The following TRAPPC9 variants were observed in gnomAD, a reference collection of about 807,000 sequenced individuals.
The protein encoded by TRAPPC9 is trafficking protein particle complex subunit 9, also known as IKK2 binding protein.
Under a neutral mutation model 124.0 loss-of-function variants are expected in TRAPPC9, and 83 were observed. The observed-to-expected ratio is 0.67, with a 90% CI of 0.56 to 0.80. The LOEUF is 0.80. Among genes scored for constraint, TRAPPC9 ranks in the 30% least tolerant of loss-of-function variants. TRAPPC9 has a pLI of 0.00. For synonymous variants in TRAPPC9, 638 were observed against 617.5 expected (o/e 1.03, Z -0.49); for missense variants, 1,302 against 1,508.3 (o/e 0.86, Z 2.27).
At chr8:140,223,641 A>AT (rs2063385156) in intron 16 of TRAPPC9, among the ~76,000 whole-genome samples, 1 of 152,232 alleles carries the variant, frequency 6.6e-6, no homozygotes, top group African/African-American at 2.4e-5. Context: ...CACAAAATGT[A>AT]TATTTCCAAA....
rs534162097 is a variant in TRAPPC9, at chr8:139,766,226, C to T, written c.3056-34024G>A. ...TGCCAGCCCTGACGGGATGCGTGTC[C>T]TTGGGCGTGTCTGCCACCTGCTCAG... On this transcript the variant is annotated intron_variant, in intron 21 of 22. Transcript: ENST00000438773. Among the ~76,000 whole-genome samples the T allele has an allele frequency of 1.3e-3, 201 of 152,336 alleles. 1 individual carries two copies. Among genetic ancestry groups the T allele is most frequent in the African/African-American group, 4.6e-3 (193 of 41,586 alleles).
intron 21 of TRAPPC9, among the ~76,000 whole-genome samples, chr8:139,800,890 C>A (rs1586871432): frequency 6.6e-6 from 1 of 150,954 alleles, no homozygotes; most frequent in Admixed American, 6.6e-5. Context: ...GGTATCTTCC[C>A]GCCCTCCGGT....
chr8:140,269,751 G>A (rs2064818993), intron 15 of TRAPPC9, among the ~76,000 whole-genome samples: 1 of 152,034 alleles, frequency 6.6e-6, no homozygotes, highest in South Asian at 2.1e-4. Flanking sequence ...AAAGTTTGAG[G>A]ATGGAATGAT....
intron 17 of TRAPPC9, among the ~76,000 whole-genome samples, chr8:140,061,578 C>G (rs1387086345): frequency 1.3e-5 from 2 of 152,174 alleles, no homozygotes; most frequent in African/African-American, 4.8e-5. Flanking sequence ...CCCTGTCCAG[C>G]CCCAGCAGTC....
At chr8:139,792,199 G>GA (rs1822739493) in intron 21 of TRAPPC9, among the ~76,000 whole-genome samples, 1 of 152,192 alleles carries the variant, frequency 6.6e-6, no homozygotes. Flanking sequence ...CACTCAGACA[G>GA]CAGGTTTAGT....
chr8:140,269,854 T>G (rs565056100), intron 15 of TRAPPC9, among the ~76,000 whole-genome samples: 5 of 152,230 alleles, frequency 3.3e-5, no homozygotes, highest in African/African-American at 9.6e-5. Context: ...ATCCCAGCAC[T>G]TTGGAAGGCC....
At chr8:139,758,075 G>A (rs1819974782) in intron 21 of TRAPPC9, among the ~76,000 whole-genome samples, 1 of 152,232 alleles carries the variant, frequency 6.6e-6, no homozygotes, top group Non-Finnish European at 1.5e-5. Flanking sequence ...ATTAGAAGAT[G>A]AATTAAAAAC....
intron 20 of TRAPPC9, among the ~76,000 whole-genome samples, chr8:139,890,101 C>T (rs1036371406): frequency 6.6e-6 from 1 of 152,248 alleles, no homozygotes; most frequent in Non-Finnish European, 1.5e-5. Context: ...AAGGAAGCAG[C>T]GCCCTGCAGC....
At chr8:139,914,628 T>C (rs1831989812) in intron 19 of TRAPPC9, among the ~76,000 whole-genome samples, 1 of 152,144 alleles carries the variant, frequency 6.6e-6, no homozygotes, top group Non-Finnish European at 1.5e-5. Context: ...CTGGGAGGGT[T>C]TGCATGTTCT....
intron 19 of TRAPPC9, among the ~76,000 whole-genome samples, chr8:139,987,088 T>C (rs960945444): frequency 2.6e-5 from 4 of 152,230 alleles, no homozygotes; most frequent in African/African-American, 9.7e-5. Flanking sequence ...CTGTTCTGTG[T>C]ATGAGTAATT....
At chr8:140,343,573 G>A (rs2067255555) in intron 9 of TRAPPC9, among the ~76,000 whole-genome samples, 1 of 152,176 alleles carries the variant, frequency 6.6e-6, no homozygotes, top group African/African-American at 2.4e-5. Context: ...CCAGTCAAAC[G>A]ATAAGTGAGG....
intron 19 of TRAPPC9, among the ~76,000 whole-genome samples, chr8:139,949,715 G>A (rs1010405979): frequency 6.6e-6 from 1 of 151,900 alleles, no homozygotes; most frequent in Non-Finnish European, 1.5e-5. Flanking sequence ...ACCAAAAGTA[G>A]ATCAATGGTT....
intron 15 of TRAPPC9, among the ~76,000 whole-genome samples, chr8:140,268,945 T>A (rs59292037): frequency 0.25 from 37,467 of 152,008 alleles, 5,042 homozygotes; most frequent in African/African-American, 0.35. Flanking sequence ...GGAAGTGCTC[T>A]CTAGGCCGAC....
chr8:140,394,887 C>T (rs1409851341), intron 7 of TRAPPC9, among the ~76,000 whole-genome samples: 2 of 152,144 alleles, frequency 1.3e-5, no homozygotes, highest in Admixed American at 6.5e-5. Flanking sequence ...CATCAGGCTC[C>T]GGGGCAGGGA....
At chr8:140,230,191 C>T (rs546348987) in intron 16 of TRAPPC9, among the ~76,000 whole-genome samples, 62 of 152,348 alleles carry the variant, frequency 4.1e-4, no homozygotes, top group African/African-American at 1.4e-3. Flanking sequence ...GAATGATCTC[C>T]TTTGCTGGAC....
At position 140,371,053 on chromosome 8, in the gene TRAPPC9, G is replaced by T. The variant is rs377644857; in HGVS notation, c.1262C>A (p.Ala421Glu). 6.2e-7 allele frequency: 1 copy of T among 1,614,246 alleles called. No individual in the cohort carries two copies. The highest frequency in any genetic ancestry group is 8.5e-7 in the Non-Finnish European group (1 of 1,180,036). ...AAMQCVAPSI[A>E]EPGWRACYKL... Reference sequence around the variant, plus strand: ...GTAGCAGGCCCTCCACCCAGGCTCCGCGATGCTTGGGGCCACGCACTGCAT... The same window carrying T: ...GTAGCAGGCCCTCCACCCAGGCTCCTCGATGCTTGGGGCCACGCACTGCAT... Residue 421 changes from alanine (A) to glutamate (E), a missense_variant, in exon 8 of 23, where the codon GCG becomes GAG. Ala to Glu is a moderately radical substitution (Grantham distance 107). Coordinates refer to ENST00000438773, the MANE Select transcript of TRAPPC9 (RefSeq NM_001160372.4).
intron 17 of TRAPPC9, among the ~76,000 whole-genome samples, chr8:140,126,024 G>A (rs1195745863): frequency 2.6e-5 from 4 of 152,044 alleles, no homozygotes; most frequent in East Asian, 1.9e-4. Flanking sequence ...CGCCAGCCTC[G>A]GCCTCCCAAA....
At chr8:140,150,619 G>A (rs2061529604) in intron 17 of TRAPPC9, among the ~76,000 whole-genome samples, 1 of 152,328 alleles carries the variant, frequency 6.6e-6, no homozygotes, top group East Asian at 1.9e-4. Flanking sequence ...GCTGGAACCA[G>A]AGAGGAGATG....
At chr8:140,293,790 C>A (rs2065730549) in intron 11 of TRAPPC9, among the ~76,000 whole-genome samples, 1 of 152,034 alleles carries the variant, frequency 6.6e-6, no homozygotes, top group Non-Finnish European at 1.5e-5. Context: ...GGGTGCAGCG[C>A]ACCAGCATGG....
Sources: allele counts gnomAD v4.1 joint callset (sites outside exome capture counted in the v4.1 genomes callset), GRCh38; gene constraint gnomAD v4.1.1; transcripts MANE v1.5; gene names NCBI Gene and HGNC (gene_info 2026-07-23, HGNC 2026-07-21).